The following WWOX variants were observed in gnomAD, a reference collection of about 807,000 sequenced individuals.
WWOX encodes the protein WW domain containing oxidoreductase, also known as WW domain-containing oxidoreductase.
In WWOX, 69 loss-of-function variants were observed where a neutral mutation model predicts 46.2. That is an observed-to-expected ratio of 1.49 (90% CI 1.23 to 1.82). The LOEUF (loss-of-function observed/expected upper bound fraction) is 1.82. WWOX is among the 40% of genes most tolerant of loss of function. The pLI, the probability that WWOX is intolerant of heterozygous loss-of-function variation, is 0.00. For missense variants in WWOX, 919 were observed against 542.6 expected (o/e 1.69, Z -6.89); for synonymous variants, 359 against 202.6 (o/e 1.77, Z -6.56).
chr16:79,055,160 A>C (rs2048238764), intron 8 of WWOX, among the ~76,000 whole-genome samples: 1 of 152,230 alleles, frequency 6.6e-6, no homozygotes, highest in African/African-American at 2.4e-5. Flanking sequence ...TCAGATATGC[A>C]CCTTTTAATT....
chr16:78,118,325 C>A (rs2032914800), intron 4 of WWOX, among the ~76,000 whole-genome samples: 1 of 152,006 alleles, frequency 6.6e-6, no homozygotes, highest in Admixed American at 6.5e-5. Flanking sequence ...GGGATTCTGA[C>A]AGATAAAAGG....
rs561133618 is a variant in WWOX at position 78,560,260 on chromosome 16, G to A, written c.1056+127508G>A. 8.4e-4 allele frequency among the ~76,000 whole-genome samples: 128 copies of A among 152,224 alleles called. No homozygotes were observed. The Middle Eastern group carries it at 0.01, about 12-fold the overall frequency. On this transcript the variant is annotated intron_variant, in intron 8 of 8. Transcript: ENST00000566780. ...TTTGGATCTGAAATCTTTCTTTCTT[G>A]CCTTTGAGTAAGATACGGCAGAGAA...
At chr16:78,692,139 A>T (rs1160145957) in intron 8 of WWOX, among the ~76,000 whole-genome samples, 1 of 152,178 alleles carries the variant, frequency 6.6e-6, no homozygotes, top group Non-Finnish European at 1.5e-5. Context: ...CAGCAGCGTG[A>T]AAACGGACTA....
chr16:79,149,965 G>T (rs1376014729), intron 8 of WWOX, among the ~76,000 whole-genome samples: 3 of 152,202 alleles, frequency 2.0e-5, no homozygotes, highest in Non-Finnish European at 4.4e-5. Flanking sequence ...TGACCAGTAA[G>T]ACCACATCTG....
chr16:78,109,746 G>A, intron 2 of WWOX, 32 bp from the exon 3 acceptor site: 1 of 1,613,362 alleles, frequency 6.2e-7, no homozygotes, highest in Non-Finnish European at 8.5e-7. Flanking sequence ...CTTCTCCCTG[G>A]CACCTGTAGA....
chr16:79,000,363 TG>T (rs1414700707), intron 8 of WWOX, among the ~76,000 whole-genome samples: 2 of 152,002 alleles, frequency 1.3e-5, no homozygotes, highest in Admixed American at 1.3e-4. Context: ...ACATGGCAGA[TG>T]GGGAATTAAG....
rs374430604 is a variant in WWOX at position 78,389,853 on chromosome 16, G to A, written c.605+2905G>A. On this transcript the variant is annotated intron_variant, in intron 6 of 8. Transcript: ENST00000566780. ...GCAACCTCTGGCCTTGGGTTCAAGCGATTCTCATGCCTCATCCTCCAGAGT... is the reference window on the plus strand; with the variant it reads ...GCAACCTCTGGCCTTGGGTTCAAGCAATTCTCATGCCTCATCCTCCAGAGT... 4.4e-4 allele frequency among the ~76,000 whole-genome samples: 67 copies of A among 152,240 alleles called. 2 individuals carry two copies. In the South Asian group the frequency reaches 0.011, roughly 25 times the overall value.
chr16:79,080,650 T>G (rs369668956), intron 8 of WWOX, among the ~76,000 whole-genome samples: 140 of 152,264 alleles, frequency 9.2e-4, no homozygotes, highest in African/African-American at 3.3e-3. Context: ...GTCATCTGTA[T>G]CCGGCATCGG....
At chr16:78,444,618 C>G (rs936117624) in intron 8 of WWOX, among the ~76,000 whole-genome samples, 1 of 151,034 alleles carries the variant, frequency 6.6e-6, no homozygotes, top group Non-Finnish European at 1.5e-5. Flanking sequence ...CAAACCTCTG[C>G]CTCCCGGGTT....
chr16:78,285,296 G>A (rs916680476), intron 5 of WWOX, among the ~76,000 whole-genome samples: 6 of 151,974 alleles, frequency 3.9e-5, no homozygotes, highest in African/African-American at 1.2e-4. Context: ...AAAATTAACC[G>A]GGCTGGGTGG....
chr16:79,118,823 A>G (rs2049570760), intron 8 of WWOX, among the ~76,000 whole-genome samples: 1 of 152,146 alleles, frequency 6.6e-6, no homozygotes, highest in African/African-American at 2.4e-5. Context: ...GTCTTTATAC[A>G]TTTCATCATG....
chr16:79,016,251 C>T (rs556109719), intron 8 of WWOX: 13 of 152,264 alleles, frequency 8.5e-5, no homozygotes, highest in Non-Finnish European at 1.9e-4. Context: ...ATTAGGGGTT[C>T]TTTCCTCTCC....
chr16:78,101,209 G>A (rs917974296), intron 1 of WWOX, among the ~76,000 whole-genome samples: 36 of 151,412 alleles, frequency 2.4e-4, no homozygotes, highest in Non-Finnish European at 4.1e-4. Flanking sequence ...CACCACGCCC[G>A]GCTAAGTTTT....
chr16:78,152,407 A>G (rs953598236), intron 4 of WWOX, among the ~76,000 whole-genome samples: 5 of 152,136 alleles, frequency 3.3e-5, no homozygotes, highest in Admixed American at 1.3e-4. Flanking sequence ...TTTGTAGGAT[A>G]AATTTCTGGT....
chr16:79,010,113 C>T (rs2047273740), intron 8 of WWOX, among the ~76,000 whole-genome samples: 1 of 152,204 alleles, frequency 6.6e-6, no homozygotes, highest in African/African-American at 2.4e-5. Flanking sequence ...TCCCACTCCA[C>T]CTTACTCATG....
chr16:79,102,312 A>G (rs1307856438), intron 8 of WWOX, among the ~76,000 whole-genome samples: 4 of 152,174 alleles, frequency 2.6e-5, no homozygotes, highest in South Asian at 4.2e-4. Flanking sequence ...TGACTCTAGG[A>G]CTCAGCTACC....
chr16:79,004,146 C>G (rs2047147530), intron 8 of WWOX: 1 of 152,366 alleles, frequency 6.6e-6, no homozygotes, highest in East Asian at 1.9e-4. Context: ...CTACCCACAT[C>G]AGGCAATTCC....
intron 8 of WWOX, among the ~76,000 whole-genome samples, chr16:79,012,894 G>A (rs1284481666): frequency 1.3e-5 from 2 of 152,182 alleles, no homozygotes; most frequent in African/African-American, 4.8e-5. Flanking sequence ...GCATCACAAA[G>A]AAAATGCCAC....
intron 8 of WWOX, among the ~76,000 whole-genome samples, chr16:78,559,042 C>G (rs1418588881): frequency 6.6e-6 from 1 of 152,188 alleles, no homozygotes; most frequent in Non-Finnish European, 1.5e-5. Flanking sequence ...CAAGATCTGG[C>G]CGCTACGTGG....
Sources: allele counts gnomAD v4.1 joint callset (sites outside exome capture counted in the v4.1 genomes callset), GRCh38; gene constraint gnomAD v4.1.1; transcripts MANE v1.5; gene names NCBI Gene and HGNC (gene_info 2026-07-23, HGNC 2026-07-21).